The following PLCB1 variants were observed in gnomAD, a reference collection of about 807,000 sequenced individuals.
PLCB1 encodes the protein 1-phosphatidylinositol 4,5-bisphosphate phosphodiesterase beta-1.
A neutral mutation model predicts 161.8 loss-of-function variants in PLCB1; 46 were observed. That is an observed-to-expected ratio of 0.28 (90% CI 0.22 to 0.36). The LOEUF is 0.36. Ranked by LOEUF, PLCB1 falls within the 10% of genes least tolerant of loss-of-function variation. PLCB1 has a pLI of 1.00. For missense variants in PLCB1, 1,016 were observed against 1,472.5 expected, an observed-to-expected ratio of 0.69 and a Z score of 5.07; for synonymous variants, 517 against 503.7, an observed-to-expected ratio of 1.03 and a Z score of -0.35.
chr20:8,562,637 T>G (rs1986178942), intron 3 of PLCB1, among the ~76,000 whole-genome samples: 1 of 152,052 alleles, frequency 6.6e-6, no homozygotes, highest in Non-Finnish European at 1.5e-5. Context: ...ACACTGGCGC[T>G]CCTCTGTGGA....
chr20:8,463,095 A>G (rs1400259854), intron 3 of PLCB1, among the ~76,000 whole-genome samples: 2 of 151,684 alleles, frequency 1.3e-5, no homozygotes, highest in Non-Finnish European at 2.9e-5. Flanking sequence ...TCATCTTCTT[A>G]AAGTAGAGTT....
At chr20:8,344,873 A>T (rs531423246) in intron 2 of PLCB1, among the ~76,000 whole-genome samples, 1 of 152,216 alleles carries the variant, frequency 6.6e-6, no homozygotes, top group African/African-American at 2.4e-5. Flanking sequence ...CAGGACAGTT[A>T]AAAGAAGAAA....
intron 2 of PLCB1, among the ~76,000 whole-genome samples, chr20:8,200,061 A>G (rs1164928271): frequency 6.6e-6 from 1 of 151,994 alleles, no homozygotes; most frequent in Non-Finnish European, 1.5e-5. Context: ...AAAAATATTT[A>G]TTTATTCCGG....
intron 31 of PLCB1, among the ~76,000 whole-genome samples, chr20:8,847,340 A>G (rs1165103393): frequency 6.6e-6 from 1 of 152,192 alleles, no homozygotes; most frequent in African/African-American, 2.4e-5. Context: ...TTCTGTATAT[A>G]GAATTAGACA....
intron 3 of PLCB1, among the ~76,000 whole-genome samples, chr20:8,626,104 G>A (rs907677012): frequency 6.6e-6 from 1 of 150,728 alleles, no homozygotes; most frequent in African/African-American, 2.4e-5. Flanking sequence ...CTTGAACCCA[G>A]GAGGTGGAGG....
chr20:8,467,871 C>T (rs1981885839), intron 3 of PLCB1, among the ~76,000 whole-genome samples: 1 of 152,130 alleles, frequency 6.6e-6, no homozygotes, highest in South Asian at 2.1e-4. Flanking sequence ...CTAATAGAAA[C>T]CAGCCAGGCT....
At chr20:8,802,209 G>A in intron 31 of PLCB1, 1 of 1,119,558 alleles carries the variant, frequency 8.9e-7, no homozygotes, top group East Asian at 2.4e-5. Flanking sequence ...TTTGAGAGAA[G>A]GGTGGTGTGT....
chr20:8,631,233 G>A (rs574580580), intron 4 of PLCB1, among the ~76,000 whole-genome samples: 2 of 152,196 alleles, frequency 1.3e-5, no homozygotes, highest in East Asian at 1.9e-4. Flanking sequence ...GGTCCCAGGT[G>A]ATGCTAATGC....
rs1987996323 is a variant in PLCB1, at chr20:8,881,673, C to G, written c.3475C>G (p.Leu1159Val). The G allele has an allele frequency of 3.7e-6, 6 of 1,613,960 alleles. No individual in the cohort carries two copies. The African/African-American group carries it at 8.0e-5, about 22-fold the overall frequency. Residue 1159 changes from leucine (L) to valine (V), a missense_variant, in exon 32 of 32, where the codon CTC (leucine) becomes GTC (valine). By Grantham distance (32) the Leu-to-Val change is conservative (BLOSUM62 1). Around this residue, in one of 10 missense-constraint regions of PLCB1, gnomAD observed 398 missense variants for 445.4 expected, o/e 0.89. Coordinates refer to ENST00000338037, the MANE Select transcript of PLCB1 (RefSeq NM_015192.4). ...CCAAGACAAATTCAAAAGACTGCCCCTCGAGATTTTGGAATTCGTGCAGGA... is the reference window on the plus strand; with the variant it reads ...CCAAGACAAATTCAAAAGACTGCCCGTCGAGATTTTGGAATTCGTGCAGGA... ...EYQDKFKRLP[L>V]EILEFVQEAM... is the part of the protein sequence containing the mutation.
chr20:8,178,839 A>C (rs2423345), intron 2 of PLCB1, among the ~76,000 whole-genome samples: 1 of 152,042 alleles, frequency 6.6e-6, no homozygotes, highest in Non-Finnish European at 1.5e-5. Context: ...TCCTGTTTCA[A>C]TCTTCTGCAT....
intron 3 of PLCB1, among the ~76,000 whole-genome samples, chr20:8,557,475 T>C (rs1018889840): frequency 1.3e-5 from 2 of 152,030 alleles, no homozygotes; most frequent in African/African-American, 4.8e-5. Context: ...ATTCCACTCG[T>C]ATGAGATAAC....
At chr20:8,419,492 C>A (rs904670265) in intron 3 of PLCB1, among the ~76,000 whole-genome samples, 1 of 152,046 alleles carries the variant, frequency 6.6e-6, no homozygotes, top group African/African-American at 2.4e-5. Context: ...AATACCCATA[C>A]AATGATTCTA....
At chr20:8,448,444 A>G (rs1338732240) in intron 3 of PLCB1, among the ~76,000 whole-genome samples, 2 of 152,302 alleles carry the variant, frequency 1.3e-5, no homozygotes, top group African/African-American at 2.4e-5. Flanking sequence ...ACTTTTAACT[A>G]AATCTGTAGA....
intron 12 of PLCB1, 188 bp from the exon 13 acceptor site, chr20:8,716,076 G>A (rs969084378): frequency 1.9e-5 from 11 of 580,714 alleles, no homozygotes; most frequent in African/African-American, 1.1e-4. Flanking sequence ...CAGTGCCTTC[G>A]CTGTCCATCT....
intron 3 of PLCB1, among the ~76,000 whole-genome samples, chr20:8,539,684 CTT>C (rs1187593346): frequency 2.5e-3 from 97 of 39,354 alleles, no homozygotes; most frequent in Admixed American, 4.6e-3. Context: ...TTCTTTCTTT[CTT>C]TTTCTTTTTC....
At chr20:8,215,903 G>GT (rs1979095539) in intron 2 of PLCB1, among the ~76,000 whole-genome samples, 1 of 151,870 alleles carries the variant, frequency 6.6e-6, no homozygotes, top group Non-Finnish European at 1.5e-5. Context: ...TACACACATC[G>GT]TAAGAGAGAA....
At chr20:8,654,535 G>A (rs1237071616) in intron 7 of PLCB1, among the ~76,000 whole-genome samples, 1 of 152,020 alleles carries the variant, frequency 6.6e-6, no homozygotes, top group Non-Finnish European at 1.5e-5. Flanking sequence ...AAAGCTCATA[G>A]TTCAGTAGAA....
intron 3 of PLCB1, among the ~76,000 whole-genome samples, chr20:8,445,900 A>G (rs1477172079): frequency 6.6e-6 from 1 of 152,154 alleles, no homozygotes; most frequent in Non-Finnish European, 1.5e-5. Flanking sequence ...TTGATTTTGT[A>G]TCCTGAGACT....
chr20:8,581,340 C>G (rs79952582), intron 3 of PLCB1, among the ~76,000 whole-genome samples: 1 of 152,042 alleles, frequency 6.6e-6, no homozygotes, highest in Non-Finnish European at 1.5e-5. Context: ...TTAGTTCTGT[C>G]CAGTGGTTAT....
Sources: allele counts gnomAD v4.1 joint callset (sites outside exome capture counted in the v4.1 genomes callset), GRCh38; gene constraint gnomAD v4.1.1; regional missense constraint gnomAD v4.1.1; transcripts MANE v1.5; gene names NCBI Gene and HGNC (gene_info 2026-07-23, HGNC 2026-07-21).